The following TRIM66 variants were observed in gnomAD, a reference collection of about 807,000 sequenced individuals.
TRIM66 encodes tripartite motif-containing protein 66.
TRIM66 carries 99 observed loss-of-function variants against 148.2 expected under a neutral mutation model. The ratio of observed to expected loss-of-function variants is 0.67; its 90% CI spans 0.57 to 0.79. The LOEUF is 0.79. Ranked by LOEUF, TRIM66 falls within the 30% of genes least tolerant of loss-of-function variation. The pLI, the probability that TRIM66 is intolerant of heterozygous loss-of-function variation, is 0.00. For missense variants in TRIM66, 1,666 were observed against 1,697.9 expected, an observed-to-expected ratio of 0.98 and a Z score of 0.33; for synonymous variants, 616 against 635.9, an observed-to-expected ratio of 0.97 and a Z score of 0.47.
At chr11:8,681,454 A>T (rs1378261729) in intron 1 of TRIM66, among the ~76,000 whole-genome samples, 1 of 152,120 alleles carries the variant, frequency 6.6e-6, no homozygotes, top group Non-Finnish European at 1.5e-5. Flanking sequence ...TATTTTAGCT[A>T]AAATATATTT....
In TRIM66 at chr11:8,649,846, G is replaced by C. The variant is rs773949396; in HGVS notation, c.486C>G (p.Leu162=). 1 of 1,551,706 alleles carries C rather than the reference G, an allele frequency of 6.4e-7. No individual in the cohort carries two copies. The highest frequency in any genetic ancestry group is 1.4e-5 in the African/African-American group (1 of 73,168). ...ACAGCCAGCGATTGCAGTAGGTGCA[G>C]AGGATATGTGCTGCCCTCTTCTCCT... The part of the protein sequence containing the change: ...ECKEKRAAHI[L]CTYCNRWLCS... Residue 162 remains leucine (L), a synonymous_variant, in exon 8 of 25, where the codon CTC becomes CTG. Coordinates refer to ENST00000646038, the MANE Select transcript of TRIM66 (RefSeq NM_001388022.1).
In TRIM66 at chr11:8,648,531, C is replaced by T. The variant is rs936558457; in HGVS notation, c.610G>A (p.Gly204Arg). 8 of 1,551,612 alleles carry T rather than the reference C, an allele frequency of 5.2e-6. No individual in the cohort carries two copies. Among genetic ancestry groups the T allele is most frequent in the East Asian group, 2.4e-5 (1 of 40,916 alleles). The stretch of plus-strand genomic sequence containing the variant: ...AGAGGACAATACAAGGTGAAGTCTC[C>T]GGGACCACCATTCACTCCTGCCAGA... Reference protein sequence around the residue: ...KGSPGVNGGPGDFTLYCPLHT... With the variant: ...KGSPGVNGGPRDFTLYCPLHT... Residue 204 changes from glycine (G) to arginine (R), a missense_variant, in exon 9 of 25, where the codon GGA becomes AGA. Physicochemically the swap from Gly to Arg is moderately radical, Grantham distance 125. Transcript: ENST00000646038.
intron 15 of TRIM66, 148 bp downstream of exon 15, chr11:8,638,506 A>G (rs2036086845): frequency 1.2e-6 from 1 of 851,986 alleles, no homozygotes. Flanking sequence ...CTGACTCACT[A>G]CGGCAGAAGG....
At chr11:8,682,698 A>C (rs894567168), upstream of TRIM66, 1 of 1,240,728 alleles carries the variant, frequency 8.1e-7, no homozygotes, top group Non-Finnish European at 1.2e-6. Flanking sequence ...CGAGACCAGG[A>C]GGCCCCGCCC....
chr11:8,626,863 A>AT (rs893970064), intron 15 of TRIM66, among the ~76,000 whole-genome samples: 1 of 151,770 alleles, frequency 6.6e-6, no homozygotes, highest in African/African-American at 2.4e-5. Context: ...CTAGTCACTC[A>AT]TTTTTTCCAG....
chr11:8,673,769 C>A (rs1308550504), intron 4 of TRIM66, among the ~76,000 whole-genome samples: 1 of 152,026 alleles, frequency 6.6e-6, no homozygotes, highest in Non-Finnish European at 1.5e-5. Context: ...CAGCTAAAAG[C>A]CAAAGGAAGT....
intron 15 of TRIM66, among the ~76,000 whole-genome samples, chr11:8,628,210 T>C (rs541680119): frequency 5.3e-5 from 8 of 152,260 alleles, no homozygotes; most frequent in African/African-American, 1.4e-4. Flanking sequence ...CAGTACAATA[T>C]TGAATAGAAG....
At chr11:8,645,997 C>T (rs2133176501) in intron 11 of TRIM66, 110 bp from the exon 12 acceptor site, 2 of 1,091,164 alleles carry the variant, frequency 1.8e-6, no homozygotes, top group Non-Finnish European at 1.3e-6. Flanking sequence ...GATGAGACTA[C>T]ACCCCTGAGA....
intron 13 of TRIM66, among the ~76,000 whole-genome samples, chr11:8,642,422 T>C (rs1205858271): frequency 1.3e-5 from 2 of 152,182 alleles, no homozygotes; most frequent in African/African-American, 2.4e-5. Flanking sequence ...AGTTTAACAC[T>C]CGTTAGGCTG....
chr11:8,636,630 G>A (rs2035906016), intron 15 of TRIM66, among the ~76,000 whole-genome samples: 1 of 152,030 alleles, frequency 6.6e-6, no homozygotes, highest in South Asian at 2.1e-4. Context: ...ATTAGACACT[G>A]AGGCCAAAAC....
In TRIM66 at chr11:8,616,784, T is replaced by G. The variant is rs2033748763; in HGVS notation, c.*1160A>C. ...AATGTCTAGATCTGGCCCCTGTTGG[T>G]CCCTGAGGCCTTCTCTAACCTCCAA... On this transcript the variant is annotated 3_prime_UTR_variant, in exon 25 of 25. Coordinates refer to ENST00000646038, the MANE Select transcript of TRIM66 (RefSeq NM_001388022.1). 6.6e-6 allele frequency: 1 copy of G among 152,198 alleles called. No homozygotes were observed. The highest frequency in any genetic ancestry group is 1.9e-4 in the East Asian group (1 of 5,186). 9.4% of individuals were successfully genotyped at this position (152,198 alleles called of 1,614,324 possible).
At chr11:8,645,981 G>A (rs1399576947) in intron 11 of TRIM66, 94 bp from the exon 12 acceptor site, 1 of 1,254,276 alleles carries the variant, frequency 8.0e-7, no homozygotes, top group South Asian at 1.4e-5. Flanking sequence ...GTCACTGATG[G>A]AATCAGATGA....
intron 6 of TRIM66, among the ~76,000 whole-genome samples, chr11:8,666,767 T>G (rs2038626934): frequency 6.6e-6 from 1 of 152,198 alleles, no homozygotes. Context: ...TATTCTTCAT[T>G]GCAATTAGAA....
chr11:8,626,799 G>C (rs1160659991), intron 15 of TRIM66, among the ~76,000 whole-genome samples: 1 of 152,118 alleles, frequency 6.6e-6, no homozygotes, highest in East Asian at 1.9e-4. Context: ...CCTGTCCTCT[G>C]TCCTCCTTTG....
rs999834468 is a variant in TRIM66 at position 8,659,342 on chromosome 11, C to A, written c.341-7439G>T. On this transcript the variant is annotated intron_variant, in intron 6 of 24. Coordinates refer to ENST00000646038, the MANE Select transcript of TRIM66 (RefSeq NM_001388022.1). ...ACACAGGGAGGTCAGGGTAGTTGAG[C>A]ATTAATGGGACCCTAAATAAGGGTA... Among the ~76,000 whole-genome samples the A allele has an allele frequency of 1.8e-4, 28 of 152,054 alleles. 2 individuals are homozygous for A. Among genetic ancestry groups the A allele is most frequent in the Admixed American group, 1.7e-3 (26 of 15,274 alleles).
In TRIM66 at chr11:8,614,128, A is replaced by G. The variant is rs1591980231; in HGVS notation, c.*3816T>C. 1 of 152,406 alleles carries G rather than the reference A, an allele frequency of 6.6e-6. No individual in the cohort carries two copies. The highest frequency in any genetic ancestry group is 1.5e-5 in the Non-Finnish European group (1 of 68,216). The allele number at this position is 152,406 out of a possible 1,614,324, so 9.4% of individuals were successfully genotyped here. A position where few individuals can be genotyped will look rare whatever the true frequency, so the allele number is the denominator to read the frequency against. ...CAAGGGAAGCAGACTGCTTGAGCCC[A>G]GGAGTGTTGATACCAGCTTGAGCAA... On this transcript the variant is annotated 3_prime_UTR_variant, in exon 25 of 25. Transcript: ENST00000646038.
intron 6 of TRIM66, among the ~76,000 whole-genome samples, chr11:8,668,410 G>T (rs1432426083): frequency 6.6e-6 from 1 of 151,532 alleles, no homozygotes; most frequent in Non-Finnish European, 1.5e-5. Flanking sequence ...TAGTTCTTCT[G>T]CTTCAGTGAT....
intron 12 of TRIM66, among the ~76,000 whole-genome samples, chr11:8,645,263 T>C (rs912277591): frequency 3.9e-5 from 6 of 152,204 alleles, no homozygotes; most frequent in African/African-American, 1.4e-4. Flanking sequence ...ATTCAAAGTA[T>C]TCAAATATAA....
intron 6 of TRIM66, among the ~76,000 whole-genome samples, chr11:8,653,667 T>G (rs754536986): frequency 3.9e-5 from 6 of 152,156 alleles, no homozygotes; most frequent in Non-Finnish European, 8.8e-5. Context: ...AAAGTTTAGT[T>G]GTTTTAAGCA....
Sources: gnomAD v4.1 joint callset for allele counts (sites outside exome capture counted in the v4.1 genomes callset) on GRCh38, gnomAD v4.1.1 for gene constraint, MANE v1.5 for transcripts, NCBI Gene and HGNC (gene_info 2026-07-23, HGNC 2026-07-21) for gene names.